POLDIP3: variants seen among roughly 807,000 people sequenced by gnomAD.
POLDIP3 encodes polymerase delta-interacting protein 3.
A neutral mutation model predicts 45.1 loss-of-function variants in POLDIP3; 14 were observed. The observed-to-expected ratio is 0.31, with a 90% CI of 0.20 to 0.49. POLDIP3 has a LOEUF of 0.49. Ranked by LOEUF, POLDIP3 falls within the 20% of genes least tolerant of loss-of-function variation. The pLI, the probability that POLDIP3 is intolerant of heterozygous loss-of-function variation, is 0.99. For synonymous variants in POLDIP3, 223 were observed against 205.2 expected, an observed-to-expected ratio of 1.09 and a Z score of -0.74; for missense variants, 511 against 538.8, an observed-to-expected ratio of 0.95 and a Z score of 0.51.
intron 3 of POLDIP3, among the ~76,000 whole-genome samples, chr22:42,600,745 G>A (rs910303587): frequency 5.9e-5 from 9 of 152,252 alleles, no homozygotes; most frequent in Non-Finnish European, 1.0e-4. Context: ...CAAGGTGGGC[G>A]AATTACCTGA....
At chr22:42,614,477 G>T (rs1028266490) in intron 1 of POLDIP3, among the ~76,000 whole-genome samples, 1 of 152,188 alleles carries the variant, frequency 6.6e-6, no homozygotes, top group Non-Finnish European at 1.5e-5. Context: ...GTCCACACAG[G>T]CAAGGAGGCT....
intron 1 of POLDIP3, among the ~76,000 whole-genome samples, chr22:42,611,114 T>C (rs1025915034): frequency 6.6e-6 from 1 of 152,180 alleles, no homozygotes; most frequent in African/African-American, 2.4e-5. Flanking sequence ...AGTCAAGGAA[T>C]CTTTTAATAA....
intron 7 of POLDIP3, among the ~76,000 whole-genome samples, chr22:42,589,228 G>T (rs1392214306): frequency 6.8e-6 from 1 of 148,014 alleles, no homozygotes; most frequent in Non-Finnish European, 1.5e-5. Context: ...GGGCGACAGA[G>T]CGAGACTCCG....
intron 3 of POLDIP3, among the ~76,000 whole-genome samples, chr22:42,600,170 G>A (rs1194581027): frequency 1.3e-5 from 2 of 152,216 alleles, no homozygotes; most frequent in Non-Finnish European, 1.5e-5. Context: ...GTTCACAGCA[G>A]AAGGATTTCT....
At chr22:42,586,496 T>A (rs1234297128) in intron 8 of POLDIP3, among the ~76,000 whole-genome samples, 1 of 152,126 alleles carries the variant, frequency 6.6e-6, no homozygotes, top group Non-Finnish European at 1.5e-5. Context: ...CCTGGCTAAT[T>A]GTGGTTTTAA....
At chr22:42,603,811 A>C (rs918128454) in intron 1 of POLDIP3, 1 of 151,992 alleles carries the variant, frequency 6.6e-6, no homozygotes. Context: ...GAAACCACTG[A>C]AATTGGAAAT....
In POLDIP3 at chr22:42,584,965, A is replaced by C. The variant is rs1467870339; in HGVS notation, c.*826T>G. 11 of 456,338 alleles carry C rather than the reference A, an allele frequency of 2.4e-5. 1 individual carries two copies. The Admixed American group carries it at 2.6e-4, about 11-fold the overall frequency. 28.3% of individuals were successfully genotyped at this position (456,338 alleles called of 1,614,324 possible). On this transcript the variant is annotated 3_prime_UTR_variant, in exon 9 of 9. Coordinates refer to ENST00000252115, the MANE Select transcript of POLDIP3 (RefSeq NM_032311.5). Reference sequence around the variant, plus strand: ...CCCAACCAGAAGAGAGCTGGCGGCTACACAAAACCAGGGTGTGGTTAAGTG... The same window carrying C: ...CCCAACCAGAAGAGAGCTGGCGGCTCCACAAAACCAGGGTGTGGTTAAGTG...
At chr22:42,599,230 C>T (rs772290726) in intron 4 of POLDIP3, among the ~76,000 whole-genome samples, 13 of 152,210 alleles carry the variant, frequency 8.5e-5, no homozygotes, top group African/African-American at 2.4e-4. Context: ...AGTGTCTCAG[C>T]GTTTATAAAA....
At chr22:42,588,282 C>T (rs1925440920) in intron 7 of POLDIP3, among the ~76,000 whole-genome samples, 1 of 151,860 alleles carries the variant, frequency 6.6e-6, no homozygotes, top group Admixed American at 6.6e-5. Flanking sequence ...GGTGAAACCC[C>T]GTCCCTGCTA....
chr22:42,607,686 T>C (rs1181395736), intron 1 of POLDIP3, among the ~76,000 whole-genome samples: 3 of 141,786 alleles, frequency 2.1e-5, no homozygotes, highest in Non-Finnish European at 4.5e-5. Flanking sequence ...CGGCCGTCCA[T>C]CGTCTGAGAT....
intron 3 of POLDIP3, among the ~76,000 whole-genome samples, chr22:42,601,235 G>A (rs899029969): frequency 1.3e-5 from 2 of 151,598 alleles, no homozygotes; most frequent in African/African-American, 2.4e-5. Flanking sequence ...ATTAGGCCGG[G>A]CGCGGTGGCT....
chr22:42,596,775 T>C (rs1201536303), intron 4 of POLDIP3, among the ~76,000 whole-genome samples: 1 of 151,962 alleles, frequency 6.6e-6, no homozygotes, highest in Non-Finnish European at 1.5e-5. Context: ...TCCCAGCACT[T>C]TGGGAGGCTG....
intron 6 of POLDIP3, among the ~76,000 whole-genome samples, chr22:42,595,285 C>G (rs1020861177): frequency 3.3e-5 from 5 of 152,244 alleles, no homozygotes; most frequent in Admixed American, 6.5e-5. Flanking sequence ...CAACTTGCTG[C>G]GAGTTGCACC....
intron 3 of POLDIP3, among the ~76,000 whole-genome samples, chr22:42,600,646 T>C (rs1411242091): frequency 6.9e-6 from 1 of 145,416 alleles, no homozygotes; most frequent in Non-Finnish European, 1.5e-5. Flanking sequence ...AAAGAATATA[T>C]AACCACAACC....
intron 1 of POLDIP3, among the ~76,000 whole-genome samples, chr22:42,612,100 G>A (rs1021068902): frequency 2.0e-5 from 3 of 152,076 alleles, no homozygotes; most frequent in African/African-American, 4.8e-5. Flanking sequence ...TGCACTCTTT[G>A]CCCCAATCCA....
chr22:42,602,572 T>A (rs1446288257), intron 2 of POLDIP3, among the ~76,000 whole-genome samples, 198 bp downstream of exon 2: 1 of 152,140 alleles, frequency 6.6e-6, no homozygotes, highest in African/African-American at 2.4e-5. Context: ...TCTTTTTTTT[T>A]AGAACTGAGA....
intron 6 of POLDIP3, among the ~76,000 whole-genome samples, chr22:42,595,132 G>A (rs1399275694): frequency 6.6e-6 from 1 of 152,198 alleles, no homozygotes; most frequent in Non-Finnish European, 1.5e-5. Context: ...AAACAACATG[G>A]TTTCTGCTCA....
chr22:42,595,972 A>G (rs374270870), intron 5 of POLDIP3, among the ~76,000 whole-genome samples: 69 of 152,308 alleles, frequency 4.5e-4, no homozygotes, highest in South Asian at 1.5e-3. Flanking sequence ...AGAGTCTAAC[A>G]TATCACCAGA....
intron 4 of POLDIP3, 57 bp downstream of exon 4, chr22:42,599,641 G>T: frequency 7.8e-7 from 1 of 1,285,930 alleles, no homozygotes; most frequent in South Asian, 1.2e-5. Context: ...TATTCAACAC[G>T]ACCTCTCCCA....
Sources: allele counts gnomAD v4.1 joint callset (sites outside exome capture counted in the v4.1 genomes callset), GRCh38; gene constraint gnomAD v4.1.1; transcripts MANE v1.5; gene names NCBI Gene and HGNC (gene_info 2026-07-23, HGNC 2026-07-21).